Variants in SLC23A2 observed in about 807,000 individuals in gnomAD.
The protein encoded by SLC23A2 is solute carrier family 23 member 2, also known as Na(+)/L-ascorbic acid transporter 2.
A neutral mutation model predicts 73.3 loss-of-function variants in SLC23A2; 36 were observed. The observed-to-expected ratio is 0.49, with a 90% CI of 0.38 to 0.65. The LOEUF (loss-of-function observed/expected upper bound fraction) is 0.65. Ranked by LOEUF, SLC23A2 falls within the 30% of genes least tolerant of loss-of-function variation. The pLI is 0.00. For synonymous variants in SLC23A2, 343 were observed against 327.3 expected (o/e 1.05, Z -0.52); for missense variants, 507 against 841.6 (o/e 0.60, Z 4.92).
chr20:4,974,652 A>G (rs1425097025), intron 1 of SLC23A2, among the ~76,000 whole-genome samples: 1 of 151,752 alleles, frequency 6.6e-6, no homozygotes, highest in Non-Finnish European at 1.5e-5. Flanking sequence ...ACCTTATACT[A>G]CCCTTATATC....
chr20:4,895,423 T>C lies in SLC23A2; in HGVS notation c.482+4132A>G, dbSNP rs375583078. 1.7e-3 allele frequency among the ~76,000 whole-genome samples: 256 copies of C among 152,342 alleles called. 3 individuals are homozygous for C. Among genetic ancestry groups the C allele is most frequent in the African/African-American group, 5.8e-3 (240 of 41,580 alleles). ...AGAAATGATAATTCACAGCCTATGA[T>C]GGATCTATCTAAGCAACTAGCAGAA... is the stretch of plus-strand genomic sequence containing the variant. On this transcript the variant is annotated intron_variant, in intron 6 of 16. Transcript: ENST00000338244.
Position 4,869,982 on chromosome 20 carries a change from T to C in SLC23A2, c.1174A>G (p.Ile392Val). ...GCGTAGTAGTCACCAATAGACTCGA[T>C]GATGCTGGCGACCACGGCACTGAGC... ...GMLSAVVASI[I>V]ESIGDYYACA... is the part of the protein sequence containing the mutation. The change falls in exon 12 of 17, where the codon ATC (isoleucine) becomes GTC (valine). Residue 392 changes from isoleucine (I) to valine (V), a missense_variant. Ile to Val is a conservative substitution (Grantham distance 29). This residue lies in a region of SLC23A2 where 217 missense variants were observed against 398.0 expected (regional missense o/e 0.55). Coordinates refer to ENST00000338244, the MANE Select transcript of SLC23A2 (RefSeq NM_005116.6). The C allele has an allele frequency of 6.2e-7, 1 of 1,613,802 alleles. No individual in the cohort carries two copies. Among genetic ancestry groups the C allele is most frequent in the Non-Finnish European group, 8.5e-7 (1 of 1,179,852 alleles).
intron 1 of SLC23A2, among the ~76,000 whole-genome samples, chr20:4,983,699 G>C (rs2087769924): frequency 6.7e-6 from 1 of 148,328 alleles, no homozygotes; most frequent in Non-Finnish European, 1.5e-5. Flanking sequence ...GCTCACACCT[G>C]TAATCCCAGC....
intron 3 of SLC23A2, among the ~76,000 whole-genome samples, chr20:4,913,612 T>C (rs1932231607): frequency 6.6e-6 from 1 of 151,852 alleles, no homozygotes; most frequent in Non-Finnish European, 1.5e-5. Context: ...TTAGGTTTTG[T>C]TGTTGTTGTT....
At position 4,932,672 on chromosome 20, in the gene SLC23A2, G is replaced by A. The variant is rs544459855; in HGVS notation, c.-110C>T. On this transcript the variant is annotated 5_prime_UTR_variant, in exon 3 of 17. Transcript: ENST00000338244. The stretch of plus-strand genomic sequence containing the variant: ...GGCTCTTCTAGTGCCTGGAGCCCCC[G>A]ATTCTCAAGCAGAGATGAGGCCTGC... 190 of 687,340 alleles carry A rather than the reference G, an allele frequency of 2.8e-4. No individual in the cohort carries two copies. Among genetic ancestry groups the A allele is most frequent in the Non-Finnish European group, 3.8e-4 (143 of 379,092 alleles). The allele number at this position is 687,340 out of a possible 1,614,324, so 42.6% of individuals were successfully genotyped here.
chr20:4,887,189 A>G (rs995723591), intron 6 of SLC23A2, among the ~76,000 whole-genome samples: 1 of 152,214 alleles, frequency 6.6e-6, no homozygotes, highest in African/African-American at 2.4e-5. Context: ...ACAACCATCC[A>G]GTTATAATTA....
At chr20:4,865,075 G>A (rs1437834277) in intron 13 of SLC23A2, among the ~76,000 whole-genome samples, 6 of 152,104 alleles carry the variant, frequency 3.9e-5, no homozygotes, top group Admixed American at 6.5e-5. Flanking sequence ...CAGCCTTCCC[G>A]GTGCTTCCCC....
At chr20:4,940,030 G>T (rs1252254903) in intron 2 of SLC23A2, among the ~76,000 whole-genome samples, 1 of 152,126 alleles carries the variant, frequency 6.6e-6, no homozygotes, top group Non-Finnish European at 1.5e-5. Context: ...AGAAGAATAA[G>T]CAAGGGCCAG....
At chr20:5,000,770 A>AT (rs946166409) in intron 1 of SLC23A2, among the ~76,000 whole-genome samples, 4 of 152,106 alleles carry the variant, frequency 2.6e-5, no homozygotes, top group Admixed American at 6.5e-5. Context: ...TCGAAATGTC[A>AT]TTTTTTCCCC....
At position 4,932,572 on chromosome 20, in the gene SLC23A2, C is replaced by T. The variant is rs773165897; in HGVS notation, c.-10G>A. ...TACCAATACCCATCATTAAGAGAAA[C>T]GAGTAGTTTACACAGCCGTTGGGGA... On this transcript the variant is annotated 5_prime_UTR_variant, in exon 3 of 17. Coordinates refer to ENST00000338244, the MANE Select transcript of SLC23A2 (RefSeq NM_005116.6). 48 of 1,449,610 alleles carry T rather than the reference C, an allele frequency of 3.3e-5. No homozygotes were observed. Among genetic ancestry groups the T allele is most frequent in the African/African-American group, 7.0e-5 (5 of 71,898 alleles). 89.8% of individuals were successfully genotyped at this position (1,449,610 alleles called of 1,614,324 possible). A position where few individuals can be genotyped will look rare whatever the true frequency, so the allele number is the denominator to read the frequency against.
At chr20:4,936,939 G>A (rs1220511756) in intron 2 of SLC23A2, among the ~76,000 whole-genome samples, 1 of 152,132 alleles carries the variant, frequency 6.6e-6, no homozygotes, top group Non-Finnish European at 1.5e-5. Flanking sequence ...TGAGAAAGGC[G>A]TCAGGGAAGA....
chr20:4,987,796 C>T (rs568585658), intron 1 of SLC23A2, among the ~76,000 whole-genome samples: 16 of 150,866 alleles, frequency 1.1e-4, no homozygotes, highest in African/African-American at 3.7e-4. Flanking sequence ...TGCAGTGAGC[C>T]GATCACGCCA....
intron 1 of SLC23A2, among the ~76,000 whole-genome samples, chr20:4,994,762 A>C (rs982648861): frequency 2.6e-4 from 39 of 151,648 alleles, no homozygotes; most frequent in South Asian, 6.3e-4. Flanking sequence ...TTCCGTCCCC[A>C]AAAAAAATAT....
rs2122921436 is a variant in SLC23A2 at position 4,923,360 on chromosome 20, G to C, written c.108+9095C>G. The stretch of plus-strand genomic sequence containing the variant: ...ATCGTTTTGATGTTTTCATTTCAAA[G>C]CATATATTGGCATATTCCTTTTCTA... On this transcript the variant is annotated intron_variant, in intron 3 of 16. Transcript: ENST00000338244. Among the ~76,000 whole-genome samples the C allele has an allele frequency of 1.3e-5, 2 of 152,268 alleles. 1 individual carries two copies. Among genetic ancestry groups the C allele is most frequent in the African/African-American group, 4.8e-5 (2 of 41,548 alleles).
At chr20:4,865,826 A>G (rs952707571) in intron 13 of SLC23A2, among the ~76,000 whole-genome samples, 1 of 151,958 alleles carries the variant, frequency 6.6e-6, no homozygotes, top group Admixed American at 6.6e-5. Context: ...TTTTATTTAT[A>G]TATTTTTTTT....
intron 6 of SLC23A2, among the ~76,000 whole-genome samples, chr20:4,888,647 C>T (rs1028245835): frequency 1.9e-4 from 29 of 152,168 alleles, no homozygotes; most frequent in Non-Finnish European, 1.2e-4. Flanking sequence ...AACCTGAACC[C>T]CACTCCCAGC....
At chr20:4,968,058 G>A (rs745987545) in intron 2 of SLC23A2, among the ~76,000 whole-genome samples, 14 of 152,172 alleles carry the variant, frequency 9.2e-5, no homozygotes, top group Non-Finnish European at 1.3e-4. Flanking sequence ...TTGGTGGGCT[G>A]GAGCAAGGAG....
intron 15 of SLC23A2, among the ~76,000 whole-genome samples, chr20:4,861,191 C>T (rs1929952149): frequency 6.6e-6 from 1 of 152,200 alleles, no homozygotes; most frequent in Admixed American, 6.5e-5. Flanking sequence ...ACAGAAAGCA[C>T]ACCGGTGGCT....
At chr20:4,969,999 C>G (rs894872582) in intron 2 of SLC23A2, among the ~76,000 whole-genome samples, 1 of 152,064 alleles carries the variant, frequency 6.6e-6, no homozygotes, top group Non-Finnish European at 1.5e-5. Context: ...AAAAAGAATG[C>G]TCCTGAGTAA....
Sources: gnomAD v4.1 joint callset for allele counts (sites outside exome capture counted in the v4.1 genomes callset) on GRCh38, gnomAD v4.1.1 for gene constraint, gnomAD v4.1.1 regional missense constraint, MANE v1.5 for transcripts, NCBI Gene and HGNC (gene_info 2026-07-23, HGNC 2026-07-21) for gene names.